Variants in EXD3 observed in about 807,000 individuals in gnomAD.
EXD3 encodes exonuclease 3'-5' domain containing 3.
Under a neutral mutation model 98.0 loss-of-function variants are expected in EXD3, and 92 were observed. That is an observed-to-expected ratio of 0.94 (90% confidence interval 0.79 to 1.12). EXD3 has a LOEUF of 1.12. Ranked by LOEUF, EXD3 falls within the 50% of genes most tolerant of loss-of-function variation. The pLI, the probability that EXD3 is intolerant of heterozygous loss-of-function variation, is 0.00. For synonymous variants in EXD3, 569 were observed against 526.0 expected, an observed-to-expected ratio of 1.08 and a Z score of -1.12; for missense variants, 1,222 against 1,191.6, an observed-to-expected ratio of 1.03 and a Z score of -0.38.
intron 17 of EXD3, among the ~76,000 whole-genome samples, chr9:137,329,766 GTCACACGGGA>G (rs1564480208): frequency 1.1e-3 from 1 of 918 alleles, no homozygotes. Context: ...ACTACACGGG[GTCACACGGGA>G]CTACACGGGA....
chr9:137,388,289 G>GCCAGGACGGCTCCACCATCTGTCC (rs773867643), intron 2 of EXD3, among the ~76,000 whole-genome samples: 1 of 151,800 alleles, frequency 6.6e-6, no homozygotes, highest in Non-Finnish European at 1.5e-5. Context: ...GGCAGAGGCG[G>GCCAGGACGGCTCCACCATCTGTCC]CCAGGACGGC....
chr9:137,392,393 G>A (rs1289622203), intron 2 of EXD3: 1 of 161,700 alleles, frequency 6.2e-6, no homozygotes, highest in Admixed American at 5.8e-5. Context: ...TGGCTGTCGG[G>A]GGCAGGGTCC....
chr9:137,367,689 G>C (rs995412453), intron 6 of EXD3: 3 of 474,704 alleles, frequency 6.3e-6, no homozygotes, highest in South Asian at 2.3e-5. Context: ...GCTGCACGGA[G>C]CACACTCAGG....
intron 1 of EXD3, among the ~76,000 whole-genome samples, chr9:137,404,814 C>T (rs1158576254): frequency 5.3e-5 from 8 of 151,708 alleles, no homozygotes; most frequent in Admixed American, 2.0e-4. Flanking sequence ...GAGCCAAGGT[C>T]GCACCATTGC....
At chr9:137,374,611 CAT>C (rs1052793478) in intron 3 of EXD3, 41 of 985,406 alleles carry the variant, frequency 4.2e-5, no homozygotes, top group Non-Finnish European at 4.7e-5. Flanking sequence ...AGCACACGCA[CAT>C]GAGTGTGTGA....
At chr9:137,408,923 G>A (rs902889382) in intron 1 of EXD3, among the ~76,000 whole-genome samples, 3 of 152,204 alleles carry the variant, frequency 2.0e-5, no homozygotes, top group Non-Finnish European at 4.4e-5. Context: ...AGCTCAGGAT[G>A]AACTTGTACA....
In EXD3 at chr9:137,349,034, G is replaced by A; in HGVS notation, c.1830+76C>T. On this transcript the variant is annotated intron_variant, in intron 16 of 21. Transcript: ENST00000340951. The surrounding 1 kb of genome is among the most constrained non-coding windows in gnomAD (Gnocchi z 7.4). ...TCTGACCCAGTGGCCTTGTCTCCAT[G>A]CAGGTCCTTGGTTTATGGACAGGGA... 1 of 1,472,890 alleles carries A rather than the reference G, an allele frequency of 6.8e-7. No individual in the cohort carries two copies. Among genetic ancestry groups the A allele is most frequent in the South Asian group, 1.4e-5 (1 of 73,434 alleles). 91.2% of individuals were successfully genotyped at this position (1,472,890 alleles called of 1,614,324 possible). A position where few individuals can be genotyped will look rare whatever the true frequency, so the allele number is the denominator to read the frequency against.
intron 18 of EXD3, 87 bp from the exon 19 acceptor site, chr9:137,323,943 G>T: frequency 6.5e-7 from 1 of 1,534,262 alleles, no homozygotes; most frequent in Non-Finnish European, 8.8e-7. Context: ...CATGGGGCAG[G>T]AGCCTTCTCT....
intron 17 of EXD3, among the ~76,000 whole-genome samples, chr9:137,327,254 C>T (rs1199819198): frequency 1.3e-5 from 2 of 152,178 alleles, no homozygotes; most frequent in African/African-American, 4.8e-5. Context: ...CTGCCTCAGC[C>T]TCCTGAGTAG....
intron 7 of EXD3, 96 bp from the exon 8 acceptor site, chr9:137,356,464 A>T (rs1334898301): frequency 2.4e-6 from 2 of 828,936 alleles, no homozygotes; most frequent in Non-Finnish European, 3.9e-6. Flanking sequence ...GCATAGTTTA[A>T]ACCTCAAGTG....
chr9:137,335,362 G>A (rs1833300001), intron 17 of EXD3, among the ~76,000 whole-genome samples: 1 of 152,080 alleles, frequency 6.6e-6, no homozygotes. Context: ...ATACCACCTT[G>A]CCCTAGCCAG....
chr9:137,379,109 G>A (rs1161407592), intron 3 of EXD3, among the ~76,000 whole-genome samples: 2 of 114,322 alleles, frequency 1.7e-5, no homozygotes, highest in African/African-American at 7.1e-5. Flanking sequence ...GCCTGTGGCC[G>A]AGGGGAATGG....
At chr9:137,314,075 G>C (rs1476995468) in intron 19 of EXD3, among the ~76,000 whole-genome samples, 1 of 152,146 alleles carries the variant, frequency 6.6e-6, no homozygotes, top group African/African-American at 2.4e-5. Context: ...TGTGCACTCT[G>C]ACCTCCCCTA....
chr9:137,370,911 G>A (rs1358330132), intron 5 of EXD3, among the ~76,000 whole-genome samples: 2 of 151,834 alleles, frequency 1.3e-5, no homozygotes, highest in South Asian at 4.2e-4. Flanking sequence ...AGGGCCAGCC[G>A]CTGCCCTCGA....
At chr9:137,311,766 G>A (rs1831373130) in intron 19 of EXD3, among the ~76,000 whole-genome samples, 2 of 152,228 alleles carry the variant, frequency 1.3e-5, no homozygotes, top group African/African-American at 4.8e-5. Context: ...CAGCCACAGG[G>A]GGGCCTGGCA....
rs75059940 is a variant in EXD3, at chr9:137,380,212, C to G, written c.120+3101G>C. Among the ~76,000 whole-genome samples, 1,191 of 151,360 alleles carry G rather than the reference C, an allele frequency of 7.9e-3. 19 individuals are homozygous for G. The highest frequency in any genetic ancestry group is 0.026 in the African/African-American group (1,071 of 41,210). On this transcript the variant is annotated intron_variant, in intron 3 of 21. Coordinates refer to ENST00000340951, the MANE Select transcript of EXD3 (RefSeq NM_017820.5). ...TCCTCCCTTCGAGCCCTTCACTGGT[C>G]TTCACTCCTCATTCCTGGTCCCCTC...
intron 5 of EXD3, among the ~76,000 whole-genome samples, chr9:137,369,839 C>G (rs1183562354): frequency 6.6e-6 from 1 of 152,232 alleles, no homozygotes; most frequent in Non-Finnish European, 1.5e-5. Context: ...CTCTTCACCA[C>G]GGCCATTCAG....
intron 17 of EXD3, among the ~76,000 whole-genome samples, chr9:137,338,033 C>T (rs138941278): frequency 0.016 from 2,406 of 152,126 alleles, 40 homozygotes; most frequent in African/African-American, 0.052. Flanking sequence ...GTGATCTGCC[C>T]GCCTCGGCCT....
intron 17 of EXD3, among the ~76,000 whole-genome samples, chr9:137,328,230 C>A (rs559734500): frequency 4.0e-4 from 58 of 143,994 alleles, no homozygotes; most frequent in African/African-American, 1.5e-3. Flanking sequence ...GTAAAAACAA[C>A]AAATATACAC....
Sources: gnomAD v4.1 joint callset for allele counts (sites outside exome capture counted in the v4.1 genomes callset) on GRCh38, gnomAD v4.1.1 for gene constraint, Gnocchi (gnomAD v3.1) non-coding constraint, MANE v1.5 for transcripts, NCBI Gene and HGNC (gene_info 2026-07-23, HGNC 2026-07-21) for gene names.